PPP6C: variants seen among roughly 807,000 people sequenced by gnomAD.
The protein encoded by PPP6C is serine/threonine-protein phosphatase 6 catalytic subunit.
In PPP6C, 11 loss-of-function variants were observed where a neutral mutation model predicts 39.8. That is an observed-to-expected ratio of 0.28 (90% CI 0.17 to 0.46). The LOEUF is 0.46. PPP6C is among the 20% of genes least tolerant of loss of function. PPP6C has a pLI of 1.00. For missense variants in PPP6C, 211 were observed against 373.9 expected (o/e 0.56, Z 3.59); for synonymous variants, 129 against 130.3 (o/e 0.99, Z 0.07).
At chr9:125,183,616 C>T (rs1024183061) in intron 1 of PPP6C, among the ~76,000 whole-genome samples, 4 of 152,172 alleles carry the variant, frequency 2.6e-5, no homozygotes, top group African/African-American at 4.8e-5. Context: ...CTTTCCAGTA[C>T]CACCTCCAGC....
chr9:125,161,235 C>T (rs1001019747), intron 2 of PPP6C, among the ~76,000 whole-genome samples: 3 of 152,086 alleles, frequency 2.0e-5, no homozygotes, highest in African/African-American at 7.2e-5. Context: ...TCTAACAGCC[C>T]ACCCAAATTC....
rs73579970 is a variant in PPP6C at position 125,148,880 on chromosome 9, A to T, written c.*793T>A. Reference sequence around the variant, plus strand: ...TCAAAAATAAATACTATTGAATTTCAATTGAAGTTTTAAACTCAATAACCA... The same window carrying T: ...TCAAAAATAAATACTATTGAATTTCTATTGAAGTTTTAAACTCAATAACCA... On this transcript the variant is annotated 3_prime_UTR_variant, in exon 7 of 7. Transcript: ENST00000373547. 3 of 152,308 alleles carry T rather than the reference A, an allele frequency of 2.0e-5. No individual in the cohort carries two copies. The highest frequency in any genetic ancestry group is 7.2e-5 in the African/African-American group (3 of 41,582). 9.4% of individuals were successfully genotyped at this position (152,308 alleles called of 1,614,324 possible).
Position 125,189,712 on chromosome 9 carries a change from G to T in PPP6C, c.7C>A (p.Pro3Thr). MA[P>T]LDLDKYVEIA... is the part of the protein sequence containing the mutation. ...TCCACATACTTGTCCAGGTCTAGCG[G>T]CGCCATTTTAAGAATAACAAGCCGC... The change falls in exon 1 of 7, where the codon CCG (proline) becomes ACG (threonine). Residue 3 changes from proline to threonine, a missense_variant. By Grantham distance (38) the Pro-to-Thr change is conservative. Transcript: ENST00000373547. The T allele has an allele frequency of 2.5e-6, 4 of 1,586,018 alleles. No homozygotes were observed. Among genetic ancestry groups the T allele is most frequent in the Non-Finnish European group, 3.4e-6 (4 of 1,170,530 alleles).
At chr9:125,173,602 C>A (rs559409) in intron 1 of PPP6C, among the ~76,000 whole-genome samples, 60,760 of 148,208 alleles carry the variant, frequency 0.41, 12,681 homozygotes, top group East Asian at 0.57. Context: ...ACAACAACAA[C>A]AAAAAAGATG....
intron 2 of PPP6C, among the ~76,000 whole-genome samples, chr9:125,169,580 G>C (rs2131325221): frequency 6.6e-6 from 1 of 151,372 alleles, no homozygotes; most frequent in South Asian, 2.1e-4. Flanking sequence ...AAATACAAAT[G>C]TTTACTTTGA....
intron 1 of PPP6C, among the ~76,000 whole-genome samples, chr9:125,173,362 C>T (rs1299399330): frequency 2.1e-5 from 3 of 142,604 alleles, no homozygotes; most frequent in East Asian, 2.2e-4. Context: ...GCCGAGATTG[C>T]ACCCATTGCA....
At chr9:125,160,503 A>G (rs1252402796) in intron 3 of PPP6C, among the ~76,000 whole-genome samples, 1 of 152,176 alleles carries the variant, frequency 6.6e-6, no homozygotes, top group Non-Finnish European at 1.5e-5. Context: ...AATAAGTCTC[A>G]TGAGATCTGA....
chr9:125,178,206 A>C (rs986595549), intron 1 of PPP6C, among the ~76,000 whole-genome samples: 1 of 152,220 alleles, frequency 6.6e-6, no homozygotes, highest in African/African-American at 2.4e-5. Flanking sequence ...GAGTTTGTTT[A>C]GTTTTATAAG....
At chr9:125,171,280 C>A (rs1251546522) in intron 1 of PPP6C, 100 bp from the exon 2 acceptor site, 1 of 874,468 alleles carries the variant, frequency 1.1e-6, no homozygotes, top group Non-Finnish European at 1.7e-6. Context: ...CTTACAAAAC[C>A]CAAGTATACT....
At chr9:125,161,488 G>C (rs1365149952) in intron 2 of PPP6C, among the ~76,000 whole-genome samples, 2 of 152,008 alleles carry the variant, frequency 1.3e-5, no homozygotes, top group African/African-American at 4.8e-5. Context: ...CTGTTACCCA[G>C]GCCGGAATGC....
chr9:125,149,473 G>A lies in PPP6C; in HGVS notation c.*200C>T, dbSNP rs2131293163. 1 of 596,716 alleles carries A rather than the reference G, an allele frequency of 1.7e-6. No homozygotes were observed. Among genetic ancestry groups the A allele is most frequent in the Admixed American group, 3.5e-5 (1 of 28,208 alleles). 37.0% of individuals were successfully genotyped at this position (596,716 alleles called of 1,614,324 possible). On this transcript the variant is annotated 3_prime_UTR_variant, in exon 7 of 7. Transcript: ENST00000373547. Reference sequence around the variant, plus strand: ...ATGAGTCCAGGGTGGGGATGGGATGGGGGAAAATTGATAGAAAAACTTTGC... The same window carrying A: ...ATGAGTCCAGGGTGGGGATGGGATGAGGGAAAATTGATAGAAAAACTTTGC...
chr9:125,175,853 T>G (rs73579979), intron 1 of PPP6C, among the ~76,000 whole-genome samples: 1 of 152,080 alleles, frequency 6.6e-6, no homozygotes, highest in Non-Finnish European at 1.5e-5. Context: ...ACAAAGTAAA[T>G]AGCAACAACC....
rs370273812 is a variant in PPP6C, at chr9:125,189,621, G to A, written c.75+23C>T. ...GGCGGGCGCCCCACAGCCGGAAGGGGCGAGCCCGCAAATAGGGCTCACCTT... is the reference window on the plus strand; with the variant it reads ...GGCGGGCGCCCCACAGCCGGAAGGGACGAGCCCGCAAATAGGGCTCACCTT... On this transcript the variant is annotated intron_variant, in intron 1 of 6. Coordinates refer to ENST00000373547, the MANE Select transcript of PPP6C (RefSeq NM_002721.5). 5 of 1,612,356 alleles carry A rather than the reference G, an allele frequency of 3.1e-6. No individual in the cohort carries two copies. In the African/African-American group the frequency reaches 5.4e-5, roughly 17 times the overall value.
chr9:125,179,067 T>C (rs775241624), intron 1 of PPP6C, among the ~76,000 whole-genome samples: 1 of 152,048 alleles, frequency 6.6e-6, no homozygotes, highest in Non-Finnish European at 1.5e-5. Flanking sequence ...AATACAAAAT[T>C]AGCCGGGTGT....
At chr9:125,183,227 G>A (rs890570664) in intron 1 of PPP6C, among the ~76,000 whole-genome samples, 4 of 151,908 alleles carry the variant, frequency 2.6e-5, no homozygotes, top group South Asian at 2.1e-4. Flanking sequence ...TCATATCACC[G>A]GGCCTACTGC....
rs764005655 is a variant in PPP6C, at chr9:125,186,660, G to C, written c.75+2984C>G. ...AGCTTCTCAGGAGGCTAAGGTGGGA[G>C]GACTGCCTGAGCCCAGGAGGTCGAG... On this transcript the variant is annotated intron_variant, in intron 1 of 6. Coordinates refer to ENST00000373547, the MANE Select transcript of PPP6C (RefSeq NM_002721.5). Among the ~76,000 whole-genome samples, 9 of 151,770 alleles carry C rather than the reference G, an allele frequency of 5.9e-5. 1 individual carries two copies. In the South Asian group the frequency reaches 1.9e-3, roughly 31 times the overall value.
At position 125,166,571 on chromosome 9, in the gene PPP6C, C is replaced by T. The variant is rs1829019040; in HGVS notation, c.171+4514G>A. 3.5e-5 allele frequency among the ~76,000 whole-genome samples: 5 copies of T among 142,792 alleles called. No individual in the cohort carries two copies. In the Admixed American group the frequency reaches 3.6e-4, roughly 10 times the overall value. 93.7% of individuals were successfully genotyped at this position (142,792 alleles called of 152,430 possible). A position where few individuals can be genotyped will look rare whatever the true frequency, so the allele number is the denominator to read the frequency against. On this transcript the variant is annotated intron_variant, in intron 2 of 6. Transcript: ENST00000373547. ...TTTTTTTAGCAGAGTCTCACTCTGT[C>T]ACCCAGGCTGGAGTGCAATGGTGAG... is the stretch of plus-strand genomic sequence containing the variant.
At chr9:125,171,307 C>T (rs1829142032) in intron 1 of PPP6C, 127 bp from the exon 2 acceptor site, 3 of 637,656 alleles carry the variant, frequency 4.7e-6, no homozygotes, top group Non-Finnish European at 4.9e-6. Flanking sequence ...TAGGAAAGTA[C>T]CCTGTGATAA....
chr9:125,150,693 T>C (rs1176087543), intron 6 of PPP6C: 3 of 947,488 alleles, frequency 3.2e-6, no homozygotes, highest in Admixed American at 1.9e-5. Context: ...CCAGGGCTTA[T>C]CTCAGAAAAC....
Sources: allele counts gnomAD v4.1 joint callset (sites outside exome capture counted in the v4.1 genomes callset), GRCh38; gene constraint gnomAD v4.1.1; transcripts MANE v1.5; gene names NCBI Gene and HGNC (gene_info 2026-07-23, HGNC 2026-07-21).